The following MIDEAS variants were observed in gnomAD, a reference collection of about 807,000 sequenced individuals.
The protein encoded by MIDEAS is mitotic deacetylase associated SANT domain protein.
MIDEAS carries 26 observed loss-of-function variants against 102.7 expected under a neutral mutation model. The observed-to-expected ratio is 0.25, with a 90% CI of 0.19 to 0.35. The LOEUF is 0.35. Ranked by LOEUF, MIDEAS falls within the 10% of genes least tolerant of loss-of-function variation. The probability of loss-of-function intolerance (pLI) is 1.00; values close to 1 mark genes in which losing one functional copy is unlikely to be tolerated. For synonymous variants in MIDEAS, 585 were observed against 591.0 expected (o/e 0.99, Z 0.15); for missense variants, 1,231 against 1,435.6 (o/e 0.86, Z 2.30).
At chr14:73,765,048 G>A (rs1178601318), upstream of MIDEAS, among the ~76,000 whole-genome samples, 4 of 152,238 alleles carry the variant, frequency 2.6e-5, no homozygotes, top group African/African-American at 4.8e-5. Context: ...TTCACAGACC[G>A]AGAGCTGCCA....
chr14:73,787,534 A>C (rs1327275420), upstream of MIDEAS: 1 of 152,220 alleles, frequency 6.6e-6, no homozygotes, highest in African/African-American at 2.4e-5. Context: ...GGTGGGGTTC[A>C]GGGTCCCCGG....
intron 1 of MIDEAS, among the ~76,000 whole-genome samples, chr14:73,768,796 T>C (rs139041258): frequency 6.6e-6 from 1 of 152,122 alleles, no homozygotes; most frequent in East Asian, 1.9e-4. Flanking sequence ...ATTGCCAATA[T>C]TTTTTTTAAA....
At chr14:73,774,494 A>C (rs1434987513) in intron 1 of MIDEAS, among the ~76,000 whole-genome samples, 2 of 151,896 alleles carry the variant, frequency 1.3e-5, no homozygotes, top group Non-Finnish European at 2.9e-5. Flanking sequence ...AGTGCTGAGC[A>C]TGAGAAACGA....
intron 1 of MIDEAS, among the ~76,000 whole-genome samples, chr14:73,740,497 C>T (rs2053269357): frequency 6.6e-6 from 1 of 152,228 alleles, no homozygotes; most frequent in Non-Finnish European, 1.5e-5. Context: ...GTCCCACCAC[C>T]TCACCCTCCT....
chr14:73,722,600 C>CT, intron 10 of MIDEAS, 98 bp downstream of exon 10: 1 of 1,463,736 alleles, frequency 6.8e-7, no homozygotes, highest in Non-Finnish European at 9.2e-7. Context: ...AACCTGCCCT[C>CT]TGCAGGCTCC....
In MIDEAS at chr14:73,719,294, GC is replaced by G; in HGVS notation, c.3134+10del. The G allele has an allele frequency of 1.2e-6, 2 of 1,603,904 alleles. No homozygotes were observed. Among genetic ancestry groups the G allele is most frequent in the Admixed American group, 1.7e-5 (1 of 59,542 alleles). On this transcript the variant is annotated intron_variant, in intron 12 of 12. Coordinates refer to ENST00000423556, the MANE Select transcript of MIDEAS (RefSeq NM_001367710.1). ...CGGGGGTCCCAGCGGGGACAGCGCTGCCCACCTTACCTGCCACATTTTTTAC... is the reference window on the plus strand; with the variant it reads ...CGGGGGTCCCAGCGGGGACAGCGCTGCCACCTTACCTGCCACATTTTTTAC...
intron 1 of MIDEAS, among the ~76,000 whole-genome samples, chr14:73,778,975 T>C (rs1407922106): frequency 1.3e-5 from 2 of 151,880 alleles, no homozygotes; most frequent in Non-Finnish European, 2.9e-5. Context: ...ATTTAACTTA[T>C]GCAAATTCAA....
At chr14:73,719,543 G>A (rs763972506) in intron 11 of MIDEAS, 42 bp from the exon 12 acceptor site, 10 of 1,587,044 alleles carry the variant, frequency 6.3e-6, no homozygotes, top group Middle Eastern at 2.0e-4. Flanking sequence ...ATCTGAGCAA[G>A]CGCAGATCTG....
chr14:73,719,606 CCAAA>C (rs2052955802), intron 11 of MIDEAS, 105 bp from the exon 12 acceptor site: 16 of 1,156,968 alleles, frequency 1.4e-5, no homozygotes, highest in Middle Eastern at 2.8e-4. Context: ...TATATTCCTG[CCAAA>C]CAGTCACCTA....
chr14:73,739,428 G>A lies in MIDEAS; in HGVS notation c.581C>T (p.Pro194Leu). 6.3e-7 allele frequency: 1 copy of A among 1,585,150 alleles called. No homozygotes were observed. ...PQKVQLEVGR[P>L]QAPLNSFHAA... ...GTGGAAAGAATTCAGGGGTGCCTGG[G>A]GCCGCCCTACCTCCAGCTGCACCTT... Residue 194 changes from proline to leucine, a missense_variant, in exon 2 of 13, where the codon CCC becomes CTC. Pro to Leu is a moderately conservative substitution (Grantham distance 98). Around this residue, in one of 5 missense-constraint regions of MIDEAS, gnomAD observed 758 missense variants for 856.0 expected, o/e 0.89. Transcript: ENST00000423556.
At chr14:73,722,644 C>G in intron 10 of MIDEAS, 54 bp downstream of exon 10, 2 of 1,597,268 alleles carry the variant, frequency 1.3e-6, no homozygotes, top group Non-Finnish European at 8.5e-7. Flanking sequence ...CAGCTCAGGC[C>G]TGGTCCCAGA....
rs868333099 is a variant in MIDEAS, at chr14:73,718,987, G to A, written c.3156C>T (p.Ser1052=). The A allele has an allele frequency of 6.0e-6, 9 of 1,499,748 alleles. No homozygotes were observed. Among genetic ancestry groups the A allele is most frequent in the Admixed American group, 4.7e-5 (2 of 42,742 alleles). 92.9% of individuals were successfully genotyped at this position (1,499,748 alleles called of 1,614,324 possible). The stretch of plus-strand genomic sequence containing the variant: ...CGTGGCTCTTCATATGCGCACTGCG[G>A]CTCTTCACCTTGTAAAACACCCTGC... The part of the protein sequence containing the change: ...KCGRVFYKVK[S]RSAHMKSHAE... Residue 1052 remains serine (S), a synonymous_variant, in exon 13 of 13, where the codon AGC becomes AGT. Transcript: ENST00000423556.
At chr14:73,765,024 T>A (rs10148631), upstream of MIDEAS, among the ~76,000 whole-genome samples, 42,521 of 152,186 alleles carry the variant, frequency 0.28, 6,281 homozygotes, top group African/African-American at 0.31. Flanking sequence ...GCCACAGGAC[T>A]GAAACGCCCT....
Position 73,736,986 on chromosome 14 carries a change from C to CT in MIDEAS, c.1749+11_1749+12insA. On this transcript the variant is annotated intron_variant, in intron 3 of 12. Transcript: ENST00000423556. ...ACGCGCTGGAGGTGTTTAGAAGGGG[C>CT]GCCTCTCATACCTGAGCTTGAGCAT... The CT allele has an allele frequency of 6.2e-7, 1 of 1,606,254 alleles. No homozygotes were observed. The highest frequency in any genetic ancestry group is 1.1e-5 in the South Asian group (1 of 90,842).
intron 1 of MIDEAS, among the ~76,000 whole-genome samples, chr14:73,775,722 G>A (rs1212519601): frequency 6.6e-6 from 1 of 152,066 alleles, no homozygotes; most frequent in Non-Finnish European, 1.5e-5. Flanking sequence ...TAAGATTAAT[G>A]GAACTGAATG....
upstream of MIDEAS, chr14:73,787,510 G>C (rs73299503): frequency 2.0e-5 from 3 of 152,370 alleles, no homozygotes; most frequent in Admixed American, 6.5e-5. Context: ...TCTCAGGCTG[G>C]TCTGGAAGGT....
chr14:73,778,072 G>A (rs1159915148), intron 1 of MIDEAS, among the ~76,000 whole-genome samples: 1 of 151,748 alleles, frequency 6.6e-6, no homozygotes, highest in Non-Finnish European at 1.5e-5. Context: ...ACCATGATAG[G>A]GGCCAGGCGT....
intron 1 of MIDEAS, among the ~76,000 whole-genome samples, chr14:73,784,335 C>G (rs1266521615): frequency 6.6e-6 from 1 of 152,204 alleles, no homozygotes; most frequent in Non-Finnish European, 1.5e-5. Context: ...TCCCTGAATG[C>G]AGAGGCAAAG....
intron 1 of MIDEAS, among the ~76,000 whole-genome samples, chr14:73,785,336 G>A (rs1299809767): frequency 6.6e-6 from 1 of 152,154 alleles, no homozygotes; most frequent in Non-Finnish European, 1.5e-5. Flanking sequence ...CTTCCTGCAA[G>A]GCAGCATGGC....
Sources: allele counts gnomAD v4.1 joint callset (sites outside exome capture counted in the v4.1 genomes callset), GRCh38; gene constraint gnomAD v4.1.1; regional missense constraint gnomAD v4.1.1; transcripts MANE v1.5; gene names NCBI Gene and HGNC (gene_info 2026-07-23, HGNC 2026-07-21).